USP34: variants seen among roughly 807,000 people sequenced by gnomAD.
USP34 encodes the protein ubiquitin carboxyl-terminal hydrolase 34.
Under a neutral mutation model 460.3 loss-of-function variants are expected in USP34, and 70 were observed. The observed-to-expected ratio is 0.15, with a 90% CI of 0.13 to 0.19. The LOEUF (loss-of-function observed/expected upper bound fraction) is 0.19. Ranked by LOEUF, USP34 falls within the 10% of genes least tolerant of loss-of-function variation. USP34 has a pLI of 1.00. For missense variants in USP34, 3,985 were observed against 4,236.2 expected (o/e 0.94, Z 1.65); for synonymous variants, 1,647 against 1,405.3 (o/e 1.17, Z -3.85).
chr2:61,375,788 A>AAAAAAAAAAAAAAAAC (rs1380152670), intron 8 of USP34, among the ~76,000 whole-genome samples: 4 of 148,728 alleles, frequency 2.7e-5, no homozygotes, highest in Non-Finnish European at 4.5e-5. Context: ...AAAAAAAAAA[A>AAAAAAAAAAAAAAAAC]AAAAAAGTAG....
intron 5 of USP34, among the ~76,000 whole-genome samples, chr2:61,389,518 T>G (rs4672440): frequency 0.7 from 105,707 of 151,998 alleles, 37,266 homozygotes; most frequent in African/African-American, 0.81. Context: ...ACAAGGAAGA[T>G]CTACCATTTA....
At chr2:61,456,330 A>C (rs1695437819) in intron 1 of USP34, among the ~76,000 whole-genome samples, 1 of 152,222 alleles carries the variant, frequency 6.6e-6, no homozygotes, top group African/African-American at 2.4e-5. Flanking sequence ...TAAACCAATC[A>C]AAGTCCATCC....
At chr2:61,235,768 T>G (rs760922338) in intron 57 of USP34, 77 bp downstream of exon 57, 63 of 1,434,838 alleles carry the variant, frequency 4.4e-5, no homozygotes, top group Non-Finnish European at 5.7e-5. Context: ...ACAACTCTGC[T>G]GTAGCATCTT....
chr2:61,289,442 A>C (rs1390083472), intron 33 of USP34, among the ~76,000 whole-genome samples: 1 of 152,128 alleles, frequency 6.6e-6, no homozygotes, highest in Admixed American at 6.5e-5. Flanking sequence ...TATGTATAAA[A>C]AATAAAATTT....
chr2:61,469,967 C>A (rs1322443884), intron 1 of USP34, among the ~76,000 whole-genome samples: 3 of 152,136 alleles, frequency 2.0e-5, no homozygotes, highest in Non-Finnish European at 4.4e-5. Flanking sequence ...CATAACTATC[C>A]CGGGATGGTA....
chr2:61,196,059 A>G (rs1389394138), intron 75 of USP34, among the ~76,000 whole-genome samples: 2 of 114,108 alleles, frequency 1.8e-5, no homozygotes, highest in Non-Finnish European at 3.5e-5. Context: ...GGTATGCACC[A>G]CCATGCACGA....
intron 42 of USP34, 180 bp from the exon 43 acceptor site, chr2:61,265,737 C>A (rs1019853685): frequency 2.3e-5 from 17 of 735,726 alleles, no homozygotes; most frequent in Middle Eastern, 4.4e-4. Context: ...TCTAAAAATT[C>A]AAGACTTTTA....
chr2:61,286,234 G>C (rs1689685630), intron 34 of USP34, among the ~76,000 whole-genome samples: 1 of 152,092 alleles, frequency 6.6e-6, no homozygotes, highest in South Asian at 2.1e-4. Context: ...AGATGACTCT[G>C]TCTTCAGTAT....
chr2:61,269,777 C>T (rs1689158505), intron 41 of USP34, among the ~76,000 whole-genome samples: 1 of 151,862 alleles, frequency 6.6e-6, no homozygotes, highest in Non-Finnish European at 1.5e-5. Context: ...CCTGTTTTTA[C>T]AATTATCTAC....
chr2:61,384,056 T>G (rs1310098085), intron 5 of USP34, among the ~76,000 whole-genome samples: 1 of 152,190 alleles, frequency 6.6e-6, no homozygotes. Flanking sequence ...CATTCCTTCC[T>G]AAAATATTTC....
chr2:61,235,862 T>A lies in USP34; in HGVS notation c.7015A>T (p.Ser2339Cys). The A allele has an allele frequency of 6.2e-7, 1 of 1,613,532 alleles. No homozygotes were observed. ...CACCTTACCTCACAAGCTGCCTGAC[T>A]ATTATTAAACTGTTTCGTCAACAGT... ...IELLTKQFNN[S>C]QAACEWFLDR... is the part of the protein sequence containing the mutation. The change falls in exon 57 of 80, where the codon AGT becomes TGT. Residue 2339 changes from serine (S) to cysteine (C), a missense_variant. Coordinates refer to ENST00000398571, the MANE Select transcript of USP34 (RefSeq NM_014709.4).
chr2:61,301,904 AC>A (rs1220303692), intron 27 of USP34, among the ~76,000 whole-genome samples: 3 of 151,972 alleles, frequency 2.0e-5, no homozygotes, highest in Non-Finnish European at 4.4e-5. Context: ...ACTTGTTAAC[AC>A]CTCATATTTG....
intron 21 of USP34, among the ~76,000 whole-genome samples, chr2:61,324,983 C>G (rs1446348707): frequency 1.3e-5 from 2 of 151,976 alleles, no homozygotes; most frequent in African/African-American, 2.4e-5. Context: ...TCTAAGTGAA[C>G]TAACTCAGAA....
chr2:61,206,609 G>A, intron 71 of USP34, 151 bp downstream of exon 71: 2 of 1,012,470 alleles, frequency 2.0e-6, no homozygotes, highest in South Asian at 1.9e-5. Context: ...AGGAGTTCAT[G>A]ACAAACATTT....
At chr2:61,451,220 C>CAAAAA (rs70963432) in intron 1 of USP34, among the ~76,000 whole-genome samples, 7,860 of 49,514 alleles carry the variant, frequency 0.16, 1,342 homozygotes, top group Non-Finnish European at 0.2. Flanking sequence ...GGCTTCATCT[C>CAAAAA]AAAAAAAAAA....
intron 57 of USP34, 54 bp from the exon 58 acceptor site, chr2:61,232,586 G>A: frequency 7.5e-7 from 1 of 1,330,712 alleles, no homozygotes; most frequent in Non-Finnish European, 1.1e-6. Flanking sequence ...TTTGTTACAT[G>A]GGATAACAGT....
intron 18 of USP34, 107 bp from the exon 19 acceptor site, chr2:61,334,078 A>C (rs1369167183): frequency 1.5e-6 from 1 of 661,680 alleles, no homozygotes; most frequent in Non-Finnish European, 2.3e-6. Flanking sequence ...TTGCATAGAG[A>C]CATATTATTA....
intron 1 of USP34, among the ~76,000 whole-genome samples, chr2:61,468,395 C>T (rs1421091710): frequency 1.3e-5 from 2 of 152,186 alleles, no homozygotes; most frequent in Non-Finnish European, 2.9e-5. Flanking sequence ...GTTAGTCAGG[C>T]TGGTCTTGAA....
chr2:61,451,968 G>T lies in USP34; in HGVS notation c.43+18682C>A, dbSNP rs1468337510. 2.6e-5 allele frequency among the ~76,000 whole-genome samples: 4 copies of T among 152,160 alleles called. No homozygotes were observed. In the East Asian group the frequency reaches 5.9e-4, roughly 22 times the overall value. On this transcript the variant is annotated intron_variant, in intron 1 of 79. Transcript: ENST00000398571. ...AGGCGGGCGGATCACGAGGTCAGGA[G>T]ATCGAGACCATCCTGGCTAACACGG...
Sources: allele counts gnomAD v4.1 joint callset (sites outside exome capture counted in the v4.1 genomes callset), GRCh38; gene constraint gnomAD v4.1.1; transcripts MANE v1.5; gene names NCBI Gene and HGNC (gene_info 2026-07-23, HGNC 2026-07-21).